Variants in H2BC18 observed in about 807,000 individuals in gnomAD.
The protein encoded by H2BC18 is histone H2B type 2-F.
A neutral mutation model predicts 6.3 loss-of-function variants in H2BC18; 8 were observed. The observed-to-expected ratio is 1.28, with a 90% CI of 0.75 to 2.31. H2BC18 has a LOEUF of 2.31. H2BC18 is among the 30% of genes most tolerant of loss of function. The pLI is 0.00. For missense variants in H2BC18, 106 were observed against 174.5 expected (o/e 0.61, Z 2.21); for synonymous variants, 104 against 78.1 (o/e 1.33, Z -1.75).
intron 1 of H2BC18, chr1:149,793,824 G>A: frequency 8.3e-7 from 1 of 1,199,090 alleles, no homozygotes; most frequent in Non-Finnish European, 1.1e-6. Context: ...AACACTCAGA[G>A]GTTCCTAGCC....
At position 149,782,732 on chromosome 1, in the gene H2BC18, C is replaced by T. The variant is rs368925544; in HGVS notation, c.*501G>A. On this transcript the variant is annotated 3_prime_UTR_variant, in exon 2 of 2. Coordinates refer to the H2BC18 transcript ENST00000545683. The stretch of plus-strand genomic sequence containing the variant: ...TTACAGATTTCACTGCTCCCACCAG[C>T]TTGGAGACAACATGTGGTTCTTGAC... 1.8e-4 allele frequency: 289 copies of T among 1,596,592 alleles called. No homozygotes were observed. In the African/African-American group the frequency reaches 3.6e-3, roughly 20 times the overall value.
intron 1 of H2BC18, chr1:149,793,296 C>T (rs1352143395): frequency 8.4e-7 from 1 of 1,190,890 alleles, no homozygotes; most frequent in African/African-American, 1.7e-5. Flanking sequence ...GCCTCCCCGT[C>T]CAGCTCGGAG....
chr1:149,793,126 C>T (rs1222314662), intron 1 of H2BC18: 4 of 1,274,294 alleles, frequency 3.1e-6, no homozygotes, highest in Non-Finnish European at 4.1e-6. Context: ...CTCAGGTGCG[C>T]CCGGCCGAGC....
intron 1 of H2BC18, chr1:149,803,520 A>C (rs1441349065): frequency 1.5e-4 from 23 of 151,922 alleles, no homozygotes; most frequent in Non-Finnish European, 2.4e-4. Context: ...GTACCTAGAT[A>C]TCTCTCTCTC....
chr1:149,794,014 T>C, intron 1 of H2BC18: 1 of 744,824 alleles, frequency 1.3e-6, no homozygotes, highest in South Asian at 1.4e-5. Context: ...AATGGAGGTA[T>C]AGCTGACAGC....
intron 1 of H2BC18, among the ~76,000 whole-genome samples, chr1:149,797,861 C>T (rs1447268873): frequency 1.3e-5 from 2 of 152,144 alleles, no homozygotes; most frequent in Non-Finnish European, 2.9e-5. Context: ...GATCTGCCTA[C>T]CAATTATTTT....
intron 1 of H2BC18, among the ~76,000 whole-genome samples, chr1:149,805,765 C>T (rs1249930266): frequency 6.6e-6 from 1 of 151,978 alleles, no homozygotes; most frequent in Non-Finnish European, 1.5e-5. Context: ...TGAAACAAAG[C>T]ACCTACCTTC....
At chr1:149,807,888 C>T (rs1553754055), downstream of H2BC18, among the ~76,000 whole-genome samples, 1 of 151,996 alleles carries the variant, frequency 6.6e-6, no homozygotes, top group Non-Finnish European at 1.5e-5. Context: ...AAGCTAGGAC[C>T]ATGGTGAGCA....
rs1449511065 is a variant in H2BC18 at position 149,792,683 on chromosome 1, G to A, written c.378-9423C>T. The A allele has an allele frequency of 1.1e-5, 14 of 1,280,482 alleles. 1 individual carries two copies. Among genetic ancestry groups the A allele is most frequent in the Non-Finnish European group, 1.4e-5 (14 of 985,200 alleles). 79.3% of individuals were successfully genotyped at this position (1,280,482 alleles called of 1,614,324 possible). A position where few individuals can be genotyped will look rare whatever the true frequency, so the allele number is the denominator to read the frequency against. ...GGGGCCGCAGCCGCCAGCGCCCGGG[G>A]ACCCAGCTGCGGCGAAAGCTGTTGG... is the stretch of plus-strand genomic sequence containing the variant. On this transcript the variant is annotated intron_variant, in intron 1 of 1. Transcript: ENST00000545683.
intron 1 of H2BC18, among the ~76,000 whole-genome samples, chr1:149,802,983 G>A (rs2091888115): frequency 6.6e-6 from 1 of 152,184 alleles, no homozygotes; most frequent in South Asian, 2.1e-4. Flanking sequence ...CTAGTCCACT[G>A]ACTCAAATGT....
intron 1 of H2BC18, among the ~76,000 whole-genome samples, chr1:149,805,899 C>A (rs1245199367): frequency 6.6e-6 from 1 of 151,456 alleles, no homozygotes; most frequent in African/African-American, 2.4e-5. Context: ...GTTTATTTAT[C>A]TTTCATGTAA....
intron 1 of H2BC18, chr1:149,788,370 G>A (rs2091607147): frequency 6.2e-7 from 1 of 1,612,484 alleles, no homozygotes; most frequent in South Asian, 1.1e-5. Context: ...TTTCAGGCTG[G>A]CTACTACTGC....
chr1:149,804,283 A>T (rs1553753659), intron 1 of H2BC18, among the ~76,000 whole-genome samples: 1 of 152,148 alleles, frequency 6.6e-6, no homozygotes, highest in East Asian at 1.9e-4. Flanking sequence ...TGATAGAAAA[A>T]GAAGGTACTT....
Position 149,791,141 on chromosome 1 carries a change from A to G in H2BC18, c.378-7881T>C, listed in dbSNP as rs1408189708. ...CCAGTGCCTCCCTGAGGACAGGCAC[A>G]TCAGGTCTCAGCCAACCTTCCCTTC... is the stretch of plus-strand genomic sequence containing the variant. On this transcript the variant is annotated intron_variant, in intron 1 of 1. Coordinates refer to the H2BC18 transcript ENST00000545683. 3 of 1,595,410 alleles carry G rather than the reference A, an allele frequency of 1.9e-6. No homozygotes were observed. In the African/African-American group the frequency reaches 4.0e-5, roughly 21 times the overall value.
chr1:149,790,147 T>C (rs1553751542), intron 1 of H2BC18: 2 of 1,613,972 alleles, frequency 1.2e-6, no homozygotes, highest in South Asian at 2.2e-5. Context: ...AAGTTGCTCT[T>C]GCAGAGGCCT....
In H2BC18 at chr1:149,790,157, T is replaced by C. The variant is rs587608442; in HGVS notation, c.378-6897A>G. 163 of 1,613,968 alleles carry C rather than the reference T, an allele frequency of 1.0e-4. No homozygotes were observed. The East Asian group carries it at 3.6e-3, about 35-fold the overall frequency. On this transcript the variant is annotated intron_variant, in intron 1 of 1. Coordinates refer to the H2BC18 transcript ENST00000545683. ...AAACAAAGTTGCTCTTGCAGAGGCC[T>C]GGTTTGCAGCTTTACTTCTCCTTCT...
downstream of H2BC18, among the ~76,000 whole-genome samples, chr1:149,809,942 C>T (rs1487597163): frequency 6.6e-6 from 1 of 150,640 alleles, no homozygotes; most frequent in Non-Finnish European, 1.5e-5. Context: ...TTAGGCTAAG[C>T]TGGAGGACTG....
At position 149,812,069 on chromosome 1, in the gene H2BC18, G is replaced by C. The variant is rs2091983143; in HGVS notation, c.255C>G (p.Asn85Lys). 1 of 1,614,282 alleles carries C rather than the reference G, an allele frequency of 6.2e-7. No homozygotes were observed. Among genetic ancestry groups the C allele is most frequent in the Non-Finnish European group, 8.5e-7 (1 of 1,180,054 alleles). ...CGCGGGATGTGATGGTGGAGCGCTT[G>C]TTGTAGTGCGCCAGGCGGGACGCCT... The part of the protein sequence containing the change: ...AGEASRLAHY[N>K]KRSTITSREI... The change falls in exon 1 of 1, where the codon AAC becomes AAG. Residue 85 changes from asparagine to lysine, a missense_variant. Asn to Lys is a moderately conservative substitution (Grantham distance 94). Transcript: ENST00000369167.
chr1:149,809,443 A>AAGAAAAAAAGTT (rs1341741929), downstream of H2BC18, among the ~76,000 whole-genome samples: 1 of 151,970 alleles, frequency 6.6e-6, no homozygotes, highest in Non-Finnish European at 1.5e-5. Flanking sequence ...GTAAAGGAGT[A>AAGAAAAAAAGTT]AGAAAAAAAG....
Sources: gnomAD v4.1 joint callset for allele counts (sites outside exome capture counted in the v4.1 genomes callset) on GRCh38, gnomAD v4.1.1 for gene constraint, MANE v1.5 for transcripts, NCBI Gene and HGNC (gene_info 2026-07-23, HGNC 2026-07-21) for gene names.